The following CTSH variants were observed in gnomAD, a reference collection of about 807,000 sequenced individuals.
CTSH encodes the protein cathepsin H.
CTSH carries 52 observed loss-of-function variants against 56.3 expected under a neutral mutation model. That is an observed-to-expected ratio of 0.92 (90% CI 0.74 to 1.16). The LOEUF (loss-of-function observed/expected upper bound fraction) is 1.16, where lower values mean the gene tolerates loss of function less well. Ranked by LOEUF, CTSH falls within the 50% of genes most tolerant of loss-of-function variation. The pLI is 0.00. For synonymous variants in CTSH, 174 were observed against 155.7 expected (o/e 1.12, Z -0.88); for missense variants, 406 against 424.5 (o/e 0.96, Z 0.38).
intron 10 of CTSH, among the ~76,000 whole-genome samples, chr15:78,924,195 G>C (rs1400058070): frequency 1.3e-5 from 2 of 151,940 alleles, no homozygotes; most frequent in Middle Eastern, 3.2e-3. Flanking sequence ...TGGCTGGGGT[G>C]GGGGCTGCAG....
chr15:78,922,893 G>C, intron 11 of CTSH, 100 bp downstream of exon 11: 1 of 1,428,142 alleles, frequency 7.0e-7, no homozygotes, highest in Admixed American at 2.4e-5. Context: ...TGACCAGCTC[G>C]TCTGTGGAAG....
chr15:78,924,126 GTCA>G, intron 10 of CTSH, among the ~76,000 whole-genome samples: 2 of 112,604 alleles, frequency 1.8e-5, no homozygotes, highest in South Asian at 3.5e-4. Context: ...GGCAGGGTGG[GTCA>G]GGGAAGGCTC....
At chr15:78,944,606 G>C (rs1386548755) in intron 1 of CTSH, 11 of 360,104 alleles carry the variant, frequency 3.1e-5, no homozygotes, top group Middle Eastern at 7.5e-4. Context: ...GGCGGAAGGA[G>C]CTGCGGGCTC....
rs78219755 is a variant in CTSH at position 78,930,569 on chromosome 15, T to A, written c.548+882A>T. On this transcript the variant is annotated intron_variant, in intron 7 of 11. Coordinates refer to ENST00000220166, the MANE Select transcript of CTSH (RefSeq NM_004390.5). Reference sequence around the variant, plus strand: ...ATAAATAAATAAATAAATAAATAAATAAAAAATAAAAACGGTGGGACCCCA... The same window carrying A: ...ATAAATAAATAAATAAATAAATAAAAAAAAAATAAAAACGGTGGGACCCCA... 3.4e-3 allele frequency among the ~76,000 whole-genome samples: 458 copies of A among 135,342 alleles called. 5 individuals carry two copies. The highest frequency in any genetic ancestry group is 4.7e-3 in the Non-Finnish European group (292 of 62,712). 88.8% of individuals were successfully genotyped at this position (135,342 alleles called of 152,430 possible).
chr15:78,930,576 TA>T (rs2055033626), intron 7 of CTSH, among the ~76,000 whole-genome samples: 1 of 150,314 alleles, frequency 6.7e-6, no homozygotes, highest in Non-Finnish European at 1.5e-5. Flanking sequence ...AAATAAAAAA[TA>T]AAAACGGTGG....
intron 7 of CTSH, among the ~76,000 whole-genome samples, chr15:78,930,300 T>C (rs28699989): frequency 0.34 from 52,389 of 152,052 alleles, 11,902 homozygotes; most frequent in East Asian, 0.83. Flanking sequence ...CCAAGGTGGG[T>C]GGATCACCTG....
intron 1 of CTSH, among the ~76,000 whole-genome samples, chr15:78,943,251 CTGTT>C (rs111970692): frequency 0.12 from 18,186 of 150,966 alleles, 1,219 homozygotes; most frequent in African/African-American, 0.17. Context: ...CAGTATTCCC[CTGTT>C]TGTTTGTTTG....
chr15:78,935,036 T>G lies in CTSH; in HGVS notation c.347A>C (p.Tyr116Ser). 1 of 1,614,108 alleles carries G rather than the reference T, an allele frequency of 6.2e-7. No individual in the cohort carries two copies. Among genetic ancestry groups the G allele is most frequent in the Admixed American group, 1.7e-5 (1 of 60,012 alleles). ...KSNYLRGTGP[Y>S]PPSVDWRKKG... ...TTTCCGCCAGTCCACGGAAGGTGGG[T>G]AGGGACCAGTACCTCGAAGGTAGTT... The change falls in exon 5 of 12, where the codon TAC becomes TCC. Residue 116 changes from tyrosine to serine, a missense_variant. By Grantham distance (144) the Tyr-to-Ser change is moderately radical. Transcript: ENST00000220166.
At chr15:78,935,930 G>A (rs1481599907) in intron 3 of CTSH, among the ~76,000 whole-genome samples, 180 bp from the exon 4 acceptor site, 3 of 152,146 alleles carry the variant, frequency 2.0e-5, no homozygotes, top group Admixed American at 2.0e-4. Context: ...CCCTTACAGT[G>A]CTGCCAAAAT....
In CTSH at chr15:78,921,438, C is replaced by CT. The variant is rs1285169430; in HGVS notation, c.*691dup. ...CTCATGTGGAGGTGGGGGGCAGAGT[C>CT]TGAGTAGGAGTAGGCAGCTGAGACT... On this transcript the variant is annotated 3_prime_UTR_variant, in exon 12 of 12. Coordinates refer to ENST00000220166, the MANE Select transcript of CTSH (RefSeq NM_004390.5). 2 of 152,264 alleles carry CT rather than the reference C, an allele frequency of 1.3e-5. No homozygotes were observed. The highest frequency in any genetic ancestry group is 2.9e-5 in the Non-Finnish European group (2 of 68,126). The allele number at this position is 152,264 out of a possible 1,614,324, so 9.4% of individuals were successfully genotyped here. A position where few individuals can be genotyped will look rare whatever the true frequency, so the allele number is the denominator to read the frequency against.
At chr15:78,936,918 C>T (rs183272276) in intron 3 of CTSH, 137 of 167,524 alleles carry the variant, frequency 8.2e-4, no homozygotes, top group African/African-American at 3.1e-3. Context: ...CGTGAGCCAC[C>T]GCGCCCGGCC....
intron 1 of CTSH, chr15:78,944,532 G>C (rs976449704): frequency 5.2e-6 from 1 of 193,178 alleles, no homozygotes; most frequent in Non-Finnish European, 1.1e-5. Context: ...GGACGTCCTT[G>C]CTCACCTCTG....
intron 10 of CTSH, among the ~76,000 whole-genome samples, 177 bp from the exon 11 acceptor site, chr15:78,923,295 C>CT (rs1171485395): frequency 2.0e-5 from 3 of 152,168 alleles, no homozygotes; most frequent in South Asian, 2.1e-4. Flanking sequence ...CCTTTCAGTT[C>CT]TTTTTTTCTT....
chr15:78,926,837 G>A (rs764196221), intron 9 of CTSH: 2 of 152,146 alleles, frequency 1.3e-5, no homozygotes, highest in Non-Finnish European at 2.9e-5. Flanking sequence ...GGGTCTAGAG[G>A]GGATAGTGCG....
rs149914904 is a variant in CTSH, at chr15:78,931,863, C to T, written c.493-357G>A. 6.4e-4 allele frequency: 800 copies of T among 1,248,916 alleles called. 4 individuals are homozygous for T. In the African/African-American group the frequency reaches 8.7e-3, roughly 14 times the overall value. 77.4% of individuals were successfully genotyped at this position (1,248,916 alleles called of 1,614,324 possible). A position where few individuals can be genotyped will look rare whatever the true frequency, so the allele number is the denominator to read the frequency against. ...AAACAGGCCCAGCCAGAGACCCTACCCCCACCTGTCCACAACCCAGGGTCC... is the reference window on the plus strand; with the variant it reads ...AAACAGGCCCAGCCAGAGACCCTACTCCCACCTGTCCACAACCCAGGGTCC... On this transcript the variant is annotated intron_variant, in intron 6 of 11. Coordinates refer to ENST00000220166, the MANE Select transcript of CTSH (RefSeq NM_004390.5).
chr15:78,928,005 T>A (rs928626955), intron 8 of CTSH, among the ~76,000 whole-genome samples: 30 of 152,196 alleles, frequency 2.0e-4, no homozygotes, highest in African/African-American at 6.3e-4. Flanking sequence ...TGGTGTGTGG[T>A]GGGAGCCTGA....
intron 10 of CTSH, among the ~76,000 whole-genome samples, chr15:78,925,013 T>C (rs536138737): frequency 1.3e-5 from 2 of 152,022 alleles, no homozygotes; most frequent in East Asian, 3.9e-4. Flanking sequence ...GGGTTTTTTT[T>C]AAACTGGAGG....
At chr15:78,944,768 G>A (rs1229511466) in intron 1 of CTSH, 123 bp downstream of exon 1, 15 of 1,379,468 alleles carry the variant, frequency 1.1e-5, no homozygotes, top group Non-Finnish European at 1.4e-5. Flanking sequence ...CAGAGTTCCT[G>A]GCCTCTCACC....
At chr15:78,924,489 C>T (rs532190902) in intron 10 of CTSH, among the ~76,000 whole-genome samples, 12 of 152,038 alleles carry the variant, frequency 7.9e-5, no homozygotes, top group Admixed American at 3.3e-4. Context: ...GTGACGTTAA[C>T]GGGCAGCAAC....
Sources: allele counts gnomAD v4.1 joint callset (sites outside exome capture counted in the v4.1 genomes callset), GRCh38; gene constraint gnomAD v4.1.1; transcripts MANE v1.5; gene names NCBI Gene and HGNC (gene_info 2026-07-23, HGNC 2026-07-21).